Variants in LOC128462377 observed in about 807,000 individuals in gnomAD.
the LOC128462377 span, among the ~76,000 whole-genome samples, chr16:89,386,989 C>T: frequency 6.6e-6 from 1 of 151,966 alleles, no homozygotes; most frequent in Non-Finnish European, 1.5e-5. Flanking sequence ...CCCTGGGAGC[C>T]CTGTATCGAC....
chr16:89,348,298 T>C, the LOC128462377 span, among the ~76,000 whole-genome samples: 1,565 of 152,342 alleles, frequency 0.01, 24 homozygotes, highest in African/African-American at 0.035. Context: ...CTTATGTCAA[T>C]ATGGTACACT....
chr16:89,410,701 C>G, the LOC128462377 span, among the ~76,000 whole-genome samples: 2 of 152,212 alleles, frequency 1.3e-5, no homozygotes, highest in African/African-American at 4.8e-5. Context: ...TTTAGCAAAA[C>G]GTCAACGATA....
At chr16:89,408,515 G>A in the LOC128462377 span, among the ~76,000 whole-genome samples, 10 of 152,330 alleles carry the variant, frequency 6.6e-5, no homozygotes, top group Non-Finnish European at 1.0e-4. Context: ...CTGGCACACC[G>A]CAGGCCAGCT....
chr16:89,324,653 T>C, the LOC128462377 span: 1 of 380,520 alleles, frequency 2.6e-6, no homozygotes, highest in Non-Finnish European at 5.2e-6. Context: ...AGCCTCCATC[T>C]TTCTTCCATG....
the LOC128462377 span, among the ~76,000 whole-genome samples, chr16:89,359,537 C>T: frequency 6.6e-6 from 1 of 152,210 alleles, no homozygotes; most frequent in African/African-American, 2.4e-5. Context: ...CTTGTTCCGG[C>T]CCTGCAGTCT....
chr16:89,346,087 C>CA, the LOC128462377 span, among the ~76,000 whole-genome samples: 969 of 142,216 alleles, frequency 6.8e-3, 9 homozygotes, highest in Middle Eastern at 0.021. Context: ...ACTAACAACA[C>CA]AAAAAAAAAA....
the LOC128462377 span, among the ~76,000 whole-genome samples, chr16:89,322,373 C>T: frequency 6.6e-6 from 1 of 152,134 alleles, no homozygotes; most frequent in Non-Finnish European, 1.5e-5. Context: ...ATGCTCCTCT[C>T]CTTATGTAAG....
the LOC128462377 span, chr16:89,418,165 C>A: frequency 2.4e-6 from 1 of 412,402 alleles, no homozygotes; most frequent in Non-Finnish European, 5.0e-6. Flanking sequence ...CACAACATTT[C>A]GACAAAACTC....
chr16:89,390,183 C>A, the LOC128462377 span, among the ~76,000 whole-genome samples: 1 of 93,688 alleles, frequency 1.1e-5, no homozygotes, highest in Non-Finnish European at 2.2e-5. Flanking sequence ...CGGGGAGCAC[C>A]GAGAGAGAAG....
the LOC128462377 span, chr16:89,323,237 G>A: frequency 1.6e-5 from 19 of 1,193,388 alleles, no homozygotes; most frequent in African/African-American, 3.1e-5. Context: ...AAAGAAAAAA[G>A]GAGAAAAGGA....
At chr16:89,369,998 C>G in the LOC128462377 span, among the ~76,000 whole-genome samples, 1 of 152,230 alleles carries the variant, frequency 6.6e-6, no homozygotes, top group African/African-American at 2.4e-5. Flanking sequence ...GGCTGGGGGC[C>G]TGGCCCCTTC....
the LOC128462377 span, among the ~76,000 whole-genome samples, chr16:89,353,940 G>A: frequency 4.6e-3 from 706 of 152,298 alleles, 5 homozygotes; most frequent in African/African-American, 0.016. Context: ...GAGGGGCGGC[G>A]GGCAGAGATG....
At chr16:89,338,407 C>G in the LOC128462377 span, among the ~76,000 whole-genome samples, 3 of 140,020 alleles carry the variant, frequency 2.1e-5, no homozygotes, top group African/African-American at 8.2e-5. Context: ...AAATCCTGTA[C>G]TTAACATACA....
the LOC128462377 span, among the ~76,000 whole-genome samples, chr16:89,332,603 C>G: frequency 6.6e-6 from 1 of 152,244 alleles, no homozygotes; most frequent in African/African-American, 2.4e-5. Context: ...AATGAAAAAG[C>G]ACTATCTAAA....
the LOC128462377 span, among the ~76,000 whole-genome samples, chr16:89,349,466 C>T: frequency 5.9e-5 from 9 of 151,974 alleles, no homozygotes; most frequent in East Asian, 1.9e-4. Flanking sequence ...GGCGACAGAG[C>T]GAGACTCATC....
the LOC128462377 span, among the ~76,000 whole-genome samples, chr16:89,367,386 AG>A: frequency 6.6e-6 from 1 of 152,154 alleles, no homozygotes; most frequent in South Asian, 2.1e-4. Flanking sequence ...CACTGGGGAA[AG>A]GCCGGGGATG....
chr16:89,414,397 C>T, the LOC128462377 span, among the ~76,000 whole-genome samples: 34 of 152,304 alleles, frequency 2.2e-4, no homozygotes, highest in Non-Finnish European at 4.6e-4. Context: ...TCACTGGGAA[C>T]CGCGTGCTGG....
chr16:89,361,737 G>C, the LOC128462377 span: 1 of 152,170 alleles, frequency 6.6e-6, no homozygotes, highest in Admixed American at 6.5e-5. Context: ...CAAGCTTAAG[G>C]ATCACAAGTT....
chr16:89,327,007 G>T, the LOC128462377 span, among the ~76,000 whole-genome samples: 3 of 151,394 alleles, frequency 2.0e-5, no homozygotes, highest in African/African-American at 7.3e-5. Flanking sequence ...AATGCAGAGG[G>T]GGAATGCAGA....
Sources: gnomAD v4.1 joint callset for allele counts (sites outside exome capture counted in the v4.1 genomes callset) on GRCh38, gnomAD v4.1.1 for gene constraint, MANE v1.5 for transcripts.